CSMD1: variants seen among roughly 807,000 people sequenced by gnomAD.
CSMD1 encodes CUB and Sushi multiple domains 1.
CSMD1 carries 213 observed loss-of-function variants against 417.5 expected under a neutral mutation model. That is an observed-to-expected ratio of 0.51 (90% CI 0.46 to 0.57). The LOEUF (loss-of-function observed/expected upper bound fraction) is 0.57. CSMD1 is among the 20% of genes least tolerant of loss of function. The pLI is 0.00. For missense variants in CSMD1, 6,923 were observed against 4,529.7 expected (o/e 1.53, Z -15.17); for synonymous variants, 2,862 against 1,736.8 (o/e 1.65, Z -16.11).
At chr8:4,565,831 GCA>G (rs1247362116) in intron 2 of CSMD1, among the ~76,000 whole-genome samples, 3 of 119,020 alleles carry the variant, frequency 2.5e-5, no homozygotes, top group African/African-American at 3.5e-5. Flanking sequence ...ACACAGACAC[GCA>G]CACACACACA....
intron 2 of CSMD1, among the ~76,000 whole-genome samples, chr8:4,587,760 G>C (rs1799778708): frequency 6.6e-6 from 1 of 152,136 alleles, no homozygotes; most frequent in Admixed American, 6.6e-5. Flanking sequence ...ATTTATAGTA[G>C]ATGCTAACAC....
intron 3 of CSMD1, among the ~76,000 whole-genome samples, chr8:4,053,083 T>G (rs529573125): frequency 6.6e-6 from 1 of 152,098 alleles, no homozygotes; most frequent in Non-Finnish European, 1.5e-5. Flanking sequence ...AAAGGATGAT[T>G]GGAATAAGAA....
intron 13 of CSMD1, 48 bp from the exon 14 acceptor site, chr8:3,408,273 G>C (rs1812473844): frequency 7.0e-7 from 1 of 1,422,252 alleles, no homozygotes; most frequent in Non-Finnish European, 9.5e-7. Context: ...CATATCCAAA[G>C]AATTGCCATG....
intron 21 of CSMD1, among the ~76,000 whole-genome samples, chr8:3,352,843 AAAACAAACAAACAAAG>A (rs1397465268): frequency 6.6e-6 from 1 of 152,206 alleles, no homozygotes; most frequent in Non-Finnish European, 1.5e-5. Context: ...TCTGTCTCAA[AAAACAAACAAACAAAG>A]AAACAAACAA....
At chr8:3,952,618 T>C (rs1313062654) in intron 5 of CSMD1, among the ~76,000 whole-genome samples, 1 of 152,118 alleles carries the variant, frequency 6.6e-6, no homozygotes, top group Non-Finnish European at 1.5e-5. Flanking sequence ...ATGGAAGAAA[T>C]TCCTTAATGG....
intron 32 of CSMD1, among the ~76,000 whole-genome samples, chr8:3,200,292 C>G (rs1270218751): frequency 6.6e-6 from 1 of 151,990 alleles, no homozygotes; most frequent in African/African-American, 2.4e-5. Context: ...AGGTGGCTCA[C>G]ACCTGTAATC....
At chr8:3,771,618 G>A (rs192408490) in intron 5 of CSMD1, among the ~76,000 whole-genome samples, 1 of 152,118 alleles carries the variant, frequency 6.6e-6, no homozygotes, top group Non-Finnish European at 1.5e-5. Flanking sequence ...TCAAGTTGGA[G>A]AAAGGTGACA....
intron 11 of CSMD1, 130 bp from the exon 12 acceptor site, chr8:3,468,954 G>C (rs1300517310): frequency 1.0e-5 from 6 of 595,176 alleles, no homozygotes; most frequent in Non-Finnish European, 1.5e-5. Flanking sequence ...CTCTTTCAAA[G>C]ACTGTACAGC....
intron 5 of CSMD1, among the ~76,000 whole-genome samples, chr8:3,859,748 T>C (rs1210933297): frequency 2.0e-5 from 3 of 152,174 alleles, no homozygotes; most frequent in Non-Finnish European, 4.4e-5. Flanking sequence ...CAGTCTTCCC[T>C]GGCTGACAAT....
chr8:3,262,053 A>T (rs1801105593), intron 26 of CSMD1, among the ~76,000 whole-genome samples: 1 of 151,768 alleles, frequency 6.6e-6, no homozygotes, highest in Non-Finnish European at 1.5e-5. Context: ...CTCTAAGTGG[A>T]TCTATGATTA....
At chr8:3,495,033 T>G (rs1005458508) in intron 10 of CSMD1, among the ~76,000 whole-genome samples, 1 of 152,208 alleles carries the variant, frequency 6.6e-6, no homozygotes, top group African/African-American at 2.4e-5. Context: ...CTTACTAAAA[T>G]TATTAATATA....
chr8:3,537,396 T>C (rs1431508135), intron 10 of CSMD1, among the ~76,000 whole-genome samples: 2 of 152,214 alleles, frequency 1.3e-5, no homozygotes, highest in African/African-American at 4.8e-5. Context: ...TAAGTTATCA[T>C]GCAACAGACA....
At chr8:3,631,050 C>T (rs911473793) in intron 7 of CSMD1, among the ~76,000 whole-genome samples, 1 of 152,120 alleles carries the variant, frequency 6.6e-6, no homozygotes, top group African/African-American at 2.4e-5. Context: ...TTGCTCGTGC[C>T]GCTCCTTCCA....
chr8:4,185,138 CAAAAAAA>C (rs56216926), intron 3 of CSMD1, among the ~76,000 whole-genome samples: 1 of 75,120 alleles, frequency 1.3e-5, no homozygotes, highest in Non-Finnish European at 2.4e-5. Flanking sequence ...AATTTTGCCT[CAAAAAAA>C]AAAAAAAAAA....
chr8:3,747,126 T>C (rs36108355), intron 6 of CSMD1, among the ~76,000 whole-genome samples: 23,526 of 152,252 alleles, frequency 0.15, 1,846 homozygotes, highest in Middle Eastern at 0.18. Context: ...TTGTAAAGAC[T>C]GACATGAAGC....
intron 2 of CSMD1, among the ~76,000 whole-genome samples, chr8:4,448,888 C>T (rs1798969711): frequency 6.6e-6 from 1 of 152,310 alleles, no homozygotes; most frequent in Non-Finnish European, 1.5e-5. Context: ...ACCAAGTAAA[C>T]ACACACATGC....
intron 52 of CSMD1, among the ~76,000 whole-genome samples, chr8:3,012,898 T>C (rs10103564): frequency 0.02 from 3,103 of 152,244 alleles, 121 homozygotes; most frequent in African/African-American, 0.072. Flanking sequence ...AATTGAATCA[T>C]GGGGGCGGGA....
intron 3 of CSMD1, among the ~76,000 whole-genome samples, chr8:4,395,818 G>C (rs188757821): frequency 1.3e-5 from 2 of 152,214 alleles, no homozygotes; most frequent in South Asian, 2.1e-4. Context: ...AACCCTCAAA[G>C]TAGATACACA....
intron 3 of CSMD1, among the ~76,000 whole-genome samples, chr8:4,237,121 C>G (rs1563318101): frequency 2.0e-5 from 3 of 152,178 alleles, no homozygotes; most frequent in Non-Finnish European, 4.4e-5. Flanking sequence ...GAACTAGCTA[C>G]TTTGCACGGA....
Sources: allele counts gnomAD v4.1 joint callset (sites outside exome capture counted in the v4.1 genomes callset), GRCh38; gene constraint gnomAD v4.1.1; transcripts MANE v1.5; gene names NCBI Gene and HGNC (gene_info 2026-07-23, HGNC 2026-07-21).